ITGA3: variants seen among roughly 807,000 people sequenced by gnomAD.
ITGA3 encodes the protein integrin alpha-3.
Under a neutral mutation model 131.1 loss-of-function variants are expected in ITGA3, and 70 were observed. The observed-to-expected ratio is 0.53, with a 90% CI of 0.44 to 0.65. The LOEUF is 0.65. Among genes scored for constraint, ITGA3 ranks in the 30% least tolerant of loss-of-function variants. ITGA3 has a pLI of 0.00. For synonymous variants in ITGA3, 537 were observed against 571.6 expected (o/e 0.94, Z 0.86); for missense variants, 1,098 against 1,388.6 (o/e 0.79, Z 3.33).
intron 6 of ITGA3, 162 bp downstream of exon 6, chr17:50,071,680 C>A: frequency 1.5e-6 from 1 of 681,546 alleles, no homozygotes; most frequent in Non-Finnish European, 2.4e-6. Context: ...AGCACCTGCA[C>A]ATGGCATTTG....
chr17:50,077,107 T>A lies in ITGA3; in HGVS notation c.2056T>A (p.Ser686Thr), dbSNP rs970217959. Residue 686 changes from serine (S) to threonine (T), a missense_variant, in exon 15 of 26, where the codon TCC (serine) becomes ACC (threonine). By Grantham distance (58) the Ser-to-Thr change is moderately conservative (BLOSUM62 1). Coordinates refer to ENST00000320031, the MANE Select transcript of ITGA3 (RefSeq NM_002204.4). Reference protein sequence around the residue: ...TLVVPPALLLSSVRPPGACQA... With the variant: ...TLVVPPALLLTSVRPPGACQA... ...GGTGGTGCCTCCCGCCCTGCTGCTG[T>A]CCTCAGTGCGCCCCGTGAGTGCCCG... is the stretch of plus-strand genomic sequence containing the variant. 1.3e-6 allele frequency: 2 copies of A among 1,558,692 alleles called. No individual in the cohort carries two copies. The highest frequency in any genetic ancestry group is 1.7e-6 in the Non-Finnish European group (2 of 1,147,904).
In ITGA3 at chr17:50,075,412, C is replaced by G. The variant is rs768727660; in HGVS notation, c.1470-47C>G. 4 of 1,587,930 alleles carry G rather than the reference C, an allele frequency of 2.5e-6. No homozygotes were observed. The South Asian group carries it at 4.4e-5, about 18-fold the overall frequency. Reference sequence around the variant, plus strand: ...ACAGAGGCGAGAGCTAGGGCCTGGACGTGTGTGTCCCACTGTGACCCGCCC... The same window carrying G: ...ACAGAGGCGAGAGCTAGGGCCTGGAGGTGTGTGTCCCACTGTGACCCGCCC... On this transcript the variant is annotated intron_variant, in intron 10 of 25. Coordinates refer to ENST00000320031, the MANE Select transcript of ITGA3 (RefSeq NM_002204.4).
At chr17:50,062,652 C>A (rs991149557) in intron 1 of ITGA3, among the ~76,000 whole-genome samples, 1 of 151,926 alleles carries the variant, frequency 6.6e-6, no homozygotes, top group Non-Finnish European at 1.5e-5. Flanking sequence ...GGTGGAGATA[C>A]CCCAGGCCCT....
chr17:50,066,949 T>C (rs1274762241), intron 3 of ITGA3, among the ~76,000 whole-genome samples: 1 of 152,214 alleles, frequency 6.6e-6, no homozygotes, highest in East Asian at 1.9e-4. Flanking sequence ...CCACCACTGC[T>C]GGGATTTCTG....
At chr17:50,079,706 T>A in intron 21 of ITGA3, 149 bp downstream of exon 21, 1 of 865,952 alleles carries the variant, frequency 1.2e-6, no homozygotes, top group Non-Finnish European at 1.6e-6. Flanking sequence ...GCAGGGAGCC[T>A]CATCTCCTGC....
intron 6 of ITGA3, 89 bp downstream of exon 6, chr17:50,071,607 G>A: frequency 8.2e-7 from 1 of 1,220,908 alleles, no homozygotes; most frequent in South Asian, 1.4e-5. Flanking sequence ...TGGAGGATTT[G>A]CAGTTGTGCG....
In ITGA3 at chr17:50,068,079, G is replaced by A; in HGVS notation, c.438G>A (p.Gln146=). 6.2e-7 allele frequency: 1 copy of A among 1,614,084 alleles called. No individual in the cohort carries two copies. Among genetic ancestry groups the A allele is most frequent in the Non-Finnish European group, 8.5e-7 (1 of 1,180,050 alleles). The change falls in exon 4 of 26, where the codon CAG becomes CAA. Residue 146 remains glutamine, a synonymous_variant. Coordinates refer to ENST00000320031, the MANE Select transcript of ITGA3 (RefSeq NM_002204.4). Reference sequence around the variant, plus strand: ...AGGTCTGTGCCCACCGCTACACCCAGGTGCTGTGGTCAGGGTCAGAAGACC... The same window carrying A: ...AGGTCTGTGCCCACCGCTACACCCAAGTGCTGTGGTCAGGGTCAGAAGACC... ...RVLVCAHRYT[Q]VLWSGSEDQR...
At chr17:50,082,184 T>C (rs1045499739) in intron 23 of ITGA3, among the ~76,000 whole-genome samples, 3 of 151,788 alleles carry the variant, frequency 2.0e-5, no homozygotes, top group Non-Finnish European at 4.4e-5. Flanking sequence ...ATTTATGTAT[T>C]TATTTATTTA....
chr17:50,080,184 G>T, intron 21 of ITGA3, 78 bp from the exon 22 acceptor site: 1 of 840,752 alleles, frequency 1.2e-6, no homozygotes. Context: ...GCCTGGAAGG[G>T]GCGGGAGGTA....
Position 50,088,258 on chromosome 17 carries a change from C to G in ITGA3, c.3079C>G (p.Leu1027Val), listed in dbSNP as rs1458344983. Residue 1027 changes from leucine (L) to valine (V), a missense_variant, in exon 25 of 26, where the codon CTG becomes GTG. Physicochemically the swap from Leu to Val is conservative, Grantham distance 32 (BLOSUM62 1). Transcript: ENST00000320031. ...GFFKRARTRA[L>V]YEAKRQKAEM... ...CTTCAAGCGAGCCCGCACTCGCGCC[C>G]TGTATGAAGCTAAGAGGCAGAAGGC... is the stretch of plus-strand genomic sequence containing the variant. The G allele has an allele frequency of 1.3e-6, 2 of 1,583,026 alleles. No individual in the cohort carries two copies. Among genetic ancestry groups the G allele is most frequent in the East Asian group, 2.3e-5 (1 of 43,506 alleles).
At position 50,077,443 on chromosome 17, in the gene ITGA3, A is replaced by T; in HGVS notation, c.2135A>T (p.Gln712Leu). Reference sequence around the variant, plus strand: ...CTGGGGAACCCCTTCAAACGGAACCAGAGGGTGAGCACCGGCCACATCCTC... The same window carrying T: ...CTGGGGAACCCCTTCAAACGGAACCTGAGGGTGAGCACCGGCCACATCCTC... The part of the protein sequence containing the change: ...CELGNPFKRN[Q>L]RMELLIAFEV... The change falls in exon 16 of 26, where the codon CAG becomes CTG. Residue 712 changes from glutamine to leucine, a missense_variant. Gln to Leu is a moderately radical substitution (Grantham distance 113). Around this residue, in one of 3 missense-constraint regions of ITGA3, gnomAD observed 699 missense variants for 829.2 expected, o/e 0.84. Coordinates refer to ENST00000320031, the MANE Select transcript of ITGA3 (RefSeq NM_002204.4). 8 of 1,613,226 alleles carry T rather than the reference A, an allele frequency of 5.0e-6. No homozygotes were observed. Among genetic ancestry groups the T allele is most frequent in the Admixed American group, 1.7e-5 (1 of 60,010 alleles).
chr17:50,077,171 T>C (rs1456251085), intron 15 of ITGA3, 50 bp downstream of exon 15: 5 of 1,495,928 alleles, frequency 3.3e-6, no homozygotes, highest in Non-Finnish European at 4.5e-6. Flanking sequence ...CCCCGCGTCT[T>C]TGCATCCCCA....
In ITGA3 at chr17:50,074,460, C is replaced by A; in HGVS notation, c.1395C>A (p.Val465=). Residue 465 remains valine (V), a synonymous_variant, in exon 10 of 26, where the codon GTC becomes GTA. Coordinates refer to ENST00000320031, the MANE Select transcript of ITGA3 (RefSeq NM_002204.4). ...DHIVLLRARP[V]INIVHKTLVP... The stretch of plus-strand genomic sequence containing the variant: ...GTTGTCTCTGCAGGGCCCGGCCCGT[C>A]ATCAACATCGTCCACAAGACCTTGG... 6.2e-7 allele frequency: 1 copy of A among 1,614,056 alleles called. No homozygotes were observed. The highest frequency in any genetic ancestry group is 8.5e-7 in the Non-Finnish European group (1 of 1,179,966).
intron 4 of ITGA3, among the ~76,000 whole-genome samples, chr17:50,069,004 T>G (rs12602101): frequency 3.3e-5 from 5 of 151,580 alleles, no homozygotes; most frequent in Non-Finnish European, 7.4e-5. Context: ...CCCGCCACCA[T>G]GCCCGGCTAA....
At position 50,087,782 on chromosome 17, in the gene ITGA3, G is replaced by A. The variant is rs1598200629; in HGVS notation, c.2958G>A (p.Leu986=). 2 of 1,613,296 alleles carry A rather than the reference G, an allele frequency of 1.2e-6. No individual in the cohort carries two copies. Among genetic ancestry groups the A allele is most frequent in the Non-Finnish European group, 1.7e-6 (2 of 1,179,812 alleles). ...TTGACTCGGAGCTGGTGGAGGAGCT[G>A]CCGGCCGAAATCGAGCTGTGGCTGG... ...VDIDSELVEE[L]PAEIELWLVL... is the part of the protein sequence containing the mutation. The change falls in exon 24 of 26, where the codon CTG becomes CTA. Residue 986 remains leucine (L), a synonymous_variant. Coordinates refer to ENST00000320031, the MANE Select transcript of ITGA3 (RefSeq NM_002204.4).
intron 21 of ITGA3, among the ~76,000 whole-genome samples, chr17:50,079,948 G>A (rs1428673562): frequency 6.6e-6 from 1 of 152,206 alleles, no homozygotes; most frequent in Non-Finnish European, 1.5e-5. Flanking sequence ...GCTGGGTGGA[G>A]AGTGGGAGGT....
chr17:50,060,766 A>G (rs754426968), intron 1 of ITGA3, among the ~76,000 whole-genome samples: 5 of 149,982 alleles, frequency 3.3e-5, no homozygotes, highest in Non-Finnish European at 5.9e-5. Context: ...CCCTCCACCT[A>G]CTCTCCCTCC....
intron 1 of ITGA3, among the ~76,000 whole-genome samples, chr17:50,058,902 G>A (rs952766405): frequency 6.6e-6 from 1 of 152,208 alleles, no homozygotes; most frequent in Non-Finnish European, 1.5e-5. Flanking sequence ...TTAAACTGGG[G>A]TTCGTAGAAG....
Position 50,074,171 on chromosome 17 carries a change from C to A in ITGA3, c.1273C>A (p.Pro425Thr). The A allele has an allele frequency of 6.2e-7, 1 of 1,614,144 alleles. No homozygotes were observed. Among genetic ancestry groups the A allele is most frequent in the Non-Finnish European group, 8.5e-7 (1 of 1,180,004 alleles). ...QVIHGEKLGL[P>T]GLATFGYSLS... is the part of the protein sequence containing the mutation. The stretch of plus-strand genomic sequence containing the variant: ...AATCCATGGAGAGAAGCTGGGACTG[C>A]CTGGGTTGGCCACCTTCGGCTATTC... The change falls in exon 9 of 26, where the codon CCT becomes ACT. Residue 425 changes from proline (P) to threonine (T), a missense_variant. Coordinates refer to ENST00000320031, the MANE Select transcript of ITGA3 (RefSeq NM_002204.4).
Sources: allele counts gnomAD v4.1 joint callset (sites outside exome capture counted in the v4.1 genomes callset), GRCh38; gene constraint gnomAD v4.1.1; regional missense constraint gnomAD v4.1.1; transcripts MANE v1.5; gene names NCBI Gene and HGNC (gene_info 2026-07-23, HGNC 2026-07-21).